Variants in TCERG1L observed in about 807,000 individuals in gnomAD.
TCERG1L encodes the protein transcription elongation regulator 1 like, also known as transcription elongation regulator 1-like protein.
In TCERG1L, 37 loss-of-function variants were observed where a neutral mutation model predicts 56.3. The observed-to-expected ratio is 0.66, with a 90% CI of 0.51 to 0.87. The LOEUF (loss-of-function observed/expected upper bound fraction) is 0.87, where lower values mean the gene tolerates loss of function less well. TCERG1L is among the 40% of genes least tolerant of loss of function. The probability of loss-of-function intolerance (pLI) is 0.00; values close to 1 mark genes in which losing one functional copy is unlikely to be tolerated. For synonymous variants in TCERG1L, 324 were observed against 326.3 expected, an observed-to-expected ratio of 0.99 and a Z score of 0.08; for missense variants, 799 against 774.2, an observed-to-expected ratio of 1.03 and a Z score of -0.38.
chr10:131,093,215 T>A lies in TCERG1L; in HGVS notation c.1708A>T (p.Ile570Phe). 2 of 1,613,970 alleles carry A rather than the reference T, an allele frequency of 1.2e-6. No homozygotes were observed. Among genetic ancestry groups the A allele is most frequent in the Non-Finnish European group, 1.7e-6 (2 of 1,179,866 alleles). Residue 570 changes from isoleucine (I) to phenylalanine (F), a missense_variant, in exon 12 of 12, where the codon ATT becomes TTT. By Grantham distance (21) the Ile-to-Phe change is conservative (BLOSUM62 0). Transcript: ENST00000368642. Reference protein sequence around the residue: ...QEHFFNQFILILKKRDKENRL... With the variant: ...QEHFFNQFILFLKKRDKENRL... ...TTTTCCTTGTCCCGTTTCTTAAGAA[T>A]AAGTATGAATTGGTTGAAAAAATGC...
chr10:131,244,376 G>A (rs1192936428), intron 4 of TCERG1L, among the ~76,000 whole-genome samples: 1 of 152,182 alleles, frequency 6.6e-6, no homozygotes, highest in East Asian at 1.9e-4. Flanking sequence ...GTTCATCCAG[G>A]GGAGAGGGAG....
chr10:131,245,588 T>A (rs1244122685), intron 4 of TCERG1L, among the ~76,000 whole-genome samples: 1 of 152,130 alleles, frequency 6.6e-6, no homozygotes, highest in Non-Finnish European at 1.5e-5. Context: ...CTCACGGTCC[T>A]CCCTGGGAAA....
intron 4 of TCERG1L, among the ~76,000 whole-genome samples, chr10:131,229,133 G>T (rs10128458): frequency 0.36 from 31,086 of 86,790 alleles, 4,721 homozygotes; most frequent in Middle Eastern, 0.49. Flanking sequence ...GTCTCCGGAG[G>T]CTCCCCTCCA....
intron 3 of TCERG1L, among the ~76,000 whole-genome samples, chr10:131,295,640 T>C (rs1331958610): frequency 6.6e-6 from 1 of 152,244 alleles, no homozygotes; most frequent in Admixed American, 6.5e-5. Flanking sequence ...TATATAGTGA[T>C]AATTTGAGCC....
Position 131,311,561 on chromosome 10 carries a change from G to A in TCERG1L, c.75C>T (p.Leu25=), listed in dbSNP as rs1021717426. Residue 25 remains leucine (L), a synonymous_variant, in exon 1 of 12, where the codon CTC becomes CTT. Transcript: ENST00000368642. The surrounding 1 kb of genome is among the most constrained non-coding windows in gnomAD (Gnocchi z 4.0). ...QQQQPRRRQP[L]LWPMDAEPPP... The stretch of plus-strand genomic sequence containing the variant: ...GCGGCTCTGCGTCCATCGGCCAGAG[G>A]AGAGGCTGCCGCCGCCGGGGCTGCT... 1.1e-5 allele frequency: 13 copies of A among 1,165,124 alleles called. No homozygotes were observed. The highest frequency in any genetic ancestry group is 1.4e-5 in the Non-Finnish European group (13 of 945,468). The allele number at this position is 1,165,124 out of a possible 1,614,324, so 72.2% of individuals were successfully genotyped here. A position where few individuals can be genotyped will look rare whatever the true frequency, so the allele number is the denominator to read the frequency against.
At chr10:131,136,559 G>A (rs990760589) in intron 7 of TCERG1L, among the ~76,000 whole-genome samples, 1 of 152,036 alleles carries the variant, frequency 6.6e-6, no homozygotes, top group Non-Finnish European at 1.5e-5. Context: ...ACAGTGGTGC[G>A]ATCTCGGCTC....
In TCERG1L at chr10:131,171,310, G is replaced by A. The variant is rs541507461; in HGVS notation, c.857-4425C>T. Among the ~76,000 whole-genome samples the A allele has an allele frequency of 2.6e-5, 4 of 152,296 alleles. No individual in the cohort carries two copies. The South Asian group carries it at 8.3e-4, about 32-fold the overall frequency. On this transcript the variant is annotated intron_variant, in intron 4 of 11. Coordinates refer to ENST00000368642, the MANE Select transcript of TCERG1L (RefSeq NM_174937.4). Reference sequence around the variant, plus strand: ...TCGCCCTGTTTCCCTGAAAGAAGGGGGAGGTGGGTTTGCTTGTGCCTGACC... The same window carrying A: ...TCGCCCTGTTTCCCTGAAAGAAGGGAGAGGTGGGTTTGCTTGTGCCTGACC...
intron 8 of TCERG1L, among the ~76,000 whole-genome samples, chr10:131,128,660 C>T (rs903275698): frequency 2.0e-5 from 3 of 152,110 alleles, no homozygotes; most frequent in African/African-American, 7.2e-5. Flanking sequence ...TTAAACGATA[C>T]CTTGAGGGAG....
chr10:131,131,073 C>T (rs1845613766), intron 8 of TCERG1L, among the ~76,000 whole-genome samples: 1 of 152,224 alleles, frequency 6.6e-6, no homozygotes, highest in South Asian at 2.1e-4. Flanking sequence ...TGGGCCACAG[C>T]CGCACAAAAC....
Position 131,137,919 on chromosome 10 carries a change from T to A in TCERG1L, c.1190-3471A>T, listed in dbSNP as rs192548109. ...AAGCTGTAGGGGGATTAGAAGTAAG[T>A]ATTTCAGCTCTCTGGAAGCAGATCA... is the stretch of plus-strand genomic sequence containing the variant. On this transcript the variant is annotated intron_variant, in intron 7 of 11. Transcript: ENST00000368642. Among the ~76,000 whole-genome samples, 358 of 152,242 alleles carry A rather than the reference T, an allele frequency of 2.4e-3. 3 individuals carry two copies. The highest frequency in any genetic ancestry group is 8.2e-3 in the African/African-American group (342 of 41,560).
chr10:131,285,785 A>G (rs996854110), intron 3 of TCERG1L, among the ~76,000 whole-genome samples: 2 of 152,206 alleles, frequency 1.3e-5, no homozygotes, highest in African/African-American at 4.8e-5. Context: ...AAAAAGAAAA[A>G]TGTGGCTATC....
At chr10:131,111,829 C>T (rs1488565194) in intron 9 of TCERG1L, among the ~76,000 whole-genome samples, 2 of 143,324 alleles carry the variant, frequency 1.4e-5, no homozygotes, top group African/African-American at 4.9e-5. Context: ...GATAGACAAG[C>T]CAGACTGCTC....
At chr10:131,183,067 G>A (rs776484778) in intron 4 of TCERG1L, among the ~76,000 whole-genome samples, 1 of 152,056 alleles carries the variant, frequency 6.6e-6, no homozygotes, top group Non-Finnish European at 1.5e-5. Context: ...CCCATCACTT[G>A]AAAGAATAAT....
At chr10:131,247,929 T>C (rs1846056819) in intron 4 of TCERG1L, among the ~76,000 whole-genome samples, 1 of 151,344 alleles carries the variant, frequency 6.6e-6, no homozygotes, top group Non-Finnish European at 1.5e-5. Context: ...TACACACGAC[T>C]CACACACAGG....
chr10:131,309,194 TA>T lies in TCERG1L; in HGVS notation c.447del (p.Ile150LeufsTer6). 1 of 1,610,764 alleles carries T rather than the reference TA, an allele frequency of 6.2e-7. No homozygotes were observed. Among genetic ancestry groups the T allele is most frequent in the Non-Finnish European group, 8.5e-7 (1 of 1,178,758 alleles). On this transcript the variant is annotated frameshift_variant, in exon 2 of 12. Transcript: ENST00000368642. LOFTEE classifies it high-confidence loss of function. ...CTTTTGTCTATCCAACTTTTCCCAA[TA>T]GGGGTTGCAAGAGCAGAAGGGCAGA... ...PHLCPSALAT[P>X]IGKSWIDKRI...
intron 3 of TCERG1L, among the ~76,000 whole-genome samples, chr10:131,279,383 C>T (rs1366481468): frequency 6.6e-6 from 1 of 152,180 alleles, no homozygotes; most frequent in African/African-American, 2.4e-5. Context: ...GTAAGCAATG[C>T]TGCTAACCTT....
chr10:131,119,878 G>T (rs1213329218), intron 8 of TCERG1L, among the ~76,000 whole-genome samples: 1 of 152,206 alleles, frequency 6.6e-6, no homozygotes, highest in African/African-American at 2.4e-5. Flanking sequence ...CATCACAGAA[G>T]CCTCGTTAAG....
chr10:131,271,644 AGCATTT>A (rs1846340491), intron 3 of TCERG1L, among the ~76,000 whole-genome samples: 2 of 152,350 alleles, frequency 1.3e-5, no homozygotes, highest in South Asian at 2.1e-4. Flanking sequence ...TAAAATGCTA[AGCATTT>A]GCCTTCTGCA....
chr10:131,224,596 C>A (rs1589753981), intron 4 of TCERG1L, among the ~76,000 whole-genome samples: 1 of 152,312 alleles, frequency 6.6e-6, no homozygotes, highest in East Asian at 1.9e-4. Context: ...GTCCTCAGGG[C>A]TGGACTAAGC....
Sources: gnomAD v4.1 joint callset for allele counts (sites outside exome capture counted in the v4.1 genomes callset) on GRCh38, gnomAD v4.1.1 for gene constraint, Gnocchi (gnomAD v3.1) non-coding constraint, MANE v1.5 for transcripts, NCBI Gene and HGNC (gene_info 2026-07-23, HGNC 2026-07-21) for gene names.